Variants in NLRP5 observed in about 807,000 individuals in gnomAD.
NLRP5 encodes the protein NLR family pyrin domain containing 5, also known as NACHT, LRR and PYD domains-containing protein 5.
NLRP5 carries 93 observed loss-of-function variants against 113.1 expected under a neutral mutation model. The observed-to-expected ratio is 0.82, with a 90% CI of 0.70 to 0.98. NLRP5 has a LOEUF of 0.98. Among genes scored for constraint, NLRP5 ranks in the 50% least tolerant of loss-of-function variants. The pLI is 0.00. For missense variants in NLRP5, 1,808 were observed against 1,514.3 expected, an observed-to-expected ratio of 1.19 and a Z score of -3.22; for synonymous variants, 751 against 600.7, an observed-to-expected ratio of 1.25 and a Z score of -3.66.
chr19:56,058,153 A>G (rs1984224983), intron 13 of NLRP5, 87 bp from the exon 14 acceptor site: 2 of 1,025,066 alleles, frequency 2.0e-6, no homozygotes, highest in Non-Finnish European at 2.7e-6. Flanking sequence ...TCCCAAAGAA[A>G]AAGTATCAAG....
chr19:55,993,230 GT>G, the NLRP5 span, among the ~76,000 whole-genome samples: 1 of 151,594 alleles, frequency 6.6e-6, no homozygotes, highest in Non-Finnish European at 1.5e-5. Flanking sequence ...AAACATTTGT[GT>G]TGTGAACACT....
At position 56,027,222 on chromosome 19, in the gene NLRP5, G is replaced by T. The variant is rs1370586347; in HGVS notation, c.989G>T (p.Ser330Ile). 6.2e-7 allele frequency: 1 copy of T among 1,612,342 alleles called. No homozygotes were observed. Among genetic ancestry groups the T allele is most frequent in the Non-Finnish European group, 8.5e-7 (1 of 1,179,484 alleles). The change falls in exon 7 of 15, where the codon AGC (serine) becomes ATC (isoleucine). Residue 330 changes from serine to isoleucine, a missense_variant. Physicochemically the swap from Ser to Ile is moderately radical, Grantham distance 142. Transcript: ENST00000390649. ...AGAGAGATGCAGCGGAAGAAGGAGA[G>T]CAGTGTCACAGAGTTCATCTCCAGG...
At chr19:56,050,622 C>T in intron 12 of NLRP5, 34 bp downstream of exon 12, 1 of 1,594,144 alleles carries the variant, frequency 6.3e-7, no homozygotes, top group Non-Finnish European at 8.6e-7. Flanking sequence ...TCAACTCTAT[C>T]ATACTGGGGT....
At chr19:55,993,283 T>C in the NLRP5 span, among the ~76,000 whole-genome samples, 660 of 151,078 alleles carry the variant, frequency 4.4e-3, 9 homozygotes, top group East Asian at 0.023. Context: ...CAATAAGTTA[T>C]AGTTCACCAT....
Position 56,027,601 on chromosome 19 carries a change from T to C in NLRP5, c.1368T>C (p.Arg456=). The change falls in exon 7 of 15, where the codon CGT becomes CGC. Residue 456 remains arginine, a synonymous_variant. Transcript: ENST00000390649. The stretch of plus-strand genomic sequence containing the variant: ...AGCATCAGAAGACACAAGGGTTGCG[T>C]GCGATCATGAACAACCGTGAGCTGC... 1 of 1,613,900 alleles carries C rather than the reference T, an allele frequency of 6.2e-7. No homozygotes were observed. The highest frequency in any genetic ancestry group is 8.5e-7 in the Non-Finnish European group (1 of 1,179,890).
intron 6 of NLRP5, among the ~76,000 whole-genome samples, chr19:56,025,706 G>A (rs965060866): frequency 2.0e-5 from 3 of 152,020 alleles, no homozygotes; most frequent in Non-Finnish European, 4.4e-5. Context: ...CAGCACATCC[G>A]GCCATTCCCC....
the NLRP5 span, among the ~76,000 whole-genome samples, chr19:55,990,072 CT>C: frequency 1.3e-5 from 1 of 76,482 alleles, no homozygotes; most frequent in Non-Finnish European, 2.5e-5. Flanking sequence ...TCTTTTTTTT[CT>C]TTTTTCTTTT....
At chr19:56,030,714 C>CTTCTTCTTTTTT in intron 7 of NLRP5, among the ~76,000 whole-genome samples, 1 of 71,356 alleles carries the variant, frequency 1.4e-5, no homozygotes, top group Admixed American at 2.0e-4. Context: ...CTTTCTTCTT[C>CTTCTTCTTTTTT]TTTTTTTTTT....
At chr19:56,015,171 T>C (rs1355954722) in intron 3 of NLRP5, among the ~76,000 whole-genome samples, 5 of 152,154 alleles carry the variant, frequency 3.3e-5, no homozygotes, top group Non-Finnish European at 5.9e-5. Flanking sequence ...CCATTATAAG[T>C]GGAGTGTTTG....
At chr19:56,061,358 CAACATCTCAGT>C in intron 14 of NLRP5, 27 bp from the exon 15 acceptor site, 1 of 1,601,380 alleles carries the variant, frequency 6.2e-7, no homozygotes, top group Non-Finnish European at 8.5e-7. Flanking sequence ...GAGTCGAAAG[CAACATCTCAGT>C]AACGAGTCCT....
At chr19:56,026,068 A>G (rs2123301990) in intron 6 of NLRP5, among the ~76,000 whole-genome samples, 1 of 152,224 alleles carries the variant, frequency 6.6e-6, no homozygotes, top group Non-Finnish European at 1.5e-5. Context: ...AAGCAGAGCT[A>G]TTTTGTAGAT....
rs199500921 is a variant in NLRP5, at chr19:56,027,076, G to T, written c.843G>T (p.Thr281=). 1.3e-6 allele frequency: 2 copies of T among 1,560,838 alleles called. No homozygotes were observed. Among genetic ancestry groups the T allele is most frequent in the South Asian group, 1.2e-5 (1 of 84,590 alleles). ...ACCGGTGGGGCTTCCGGCCTCGCAC[G>T]GTGGTTCTGCACGGAAAGTCAGGAA... The change falls in exon 7 of 15, where the codon ACG becomes ACT. Residue 281 remains threonine, a synonymous_variant. Transcript: ENST00000390649.
At chr19:55,998,656 A>ACATG (rs1981422704), upstream of NLRP5, among the ~76,000 whole-genome samples, 1 of 29,594 alleles carries the variant, frequency 3.4e-5, no homozygotes, top group Non-Finnish European at 5.6e-5. Flanking sequence ...TCGTCTCAAA[A>ACATG]TATGTGTGTG....
chr19:56,032,505 C>A (rs956959186), intron 7 of NLRP5, 106 bp from the exon 8 acceptor site: 1 of 991,118 alleles, frequency 1.0e-6, no homozygotes, highest in Non-Finnish European at 1.5e-6. Context: ...CTAAAGCCAC[C>A]GTGGTCTCAC....
At chr19:55,990,094 T>TC in the NLRP5 span, among the ~76,000 whole-genome samples, 2 of 137,760 alleles carry the variant, frequency 1.5e-5, no homozygotes, top group East Asian at 2.1e-4. Flanking sequence ...TTTTTTTTTT[T>TC]TTTTTTTTTT....
chr19:56,019,227 G>A (rs1982523579), intron 4 of NLRP5, 115 bp from the exon 5 acceptor site: 2 of 1,188,180 alleles, frequency 1.7e-6, no homozygotes, highest in African/African-American at 1.5e-5. Context: ...TGGTTGCCAT[G>A]TTTTCAACTG....
chr19:56,021,745 C>T (rs1175593028), intron 6 of NLRP5, among the ~76,000 whole-genome samples: 2 of 152,140 alleles, frequency 1.3e-5, no homozygotes, highest in African/African-American at 4.8e-5. Flanking sequence ...TTTTTTCTCA[C>T]TTTGGGGCTG....
chr19:56,053,467 C>T (rs1457419174), intron 12 of NLRP5, among the ~76,000 whole-genome samples, 171 bp from the exon 13 acceptor site: 1 of 152,170 alleles, frequency 6.6e-6, no homozygotes, highest in East Asian at 1.9e-4. Context: ...CGCTATCATT[C>T]CTCTCTCAAG....
chr19:56,021,937 C>T (rs549732860), intron 6 of NLRP5, among the ~76,000 whole-genome samples: 1 of 152,252 alleles, frequency 6.6e-6, no homozygotes, highest in South Asian at 2.1e-4. Context: ...GTGGTGATGC[C>T]AGGAGTCAGT....
Sources: allele counts gnomAD v4.1 joint callset (sites outside exome capture counted in the v4.1 genomes callset), GRCh38; gene constraint gnomAD v4.1.1; transcripts MANE v1.5; gene names NCBI Gene and HGNC (gene_info 2026-07-23, HGNC 2026-07-21).